Variants in PTPRR observed in about 807,000 individuals in gnomAD.
The protein encoded by PTPRR is receptor-type tyrosine-protein phosphatase R.
PTPRR carries 38 observed loss-of-function variants against 77.2 expected under a neutral mutation model. That is an observed-to-expected ratio of 0.49 (90% CI 0.38 to 0.65). The LOEUF (loss-of-function observed/expected upper bound fraction) is 0.65, where lower values mean the gene tolerates loss of function less well. Ranked by LOEUF, PTPRR falls within the 30% of genes least tolerant of loss-of-function variation. The pLI, the probability that PTPRR is intolerant of heterozygous loss-of-function variation, is 0.00. For synonymous variants in PTPRR, 299 were observed against 283.1 expected, an observed-to-expected ratio of 1.06 and a Z score of -0.57; for missense variants, 744 against 799.2, an observed-to-expected ratio of 0.93 and a Z score of 0.83.
intron 5 of PTPRR, among the ~76,000 whole-genome samples, chr12:70,748,290 A>G (rs1890276338): frequency 2.0e-5 from 3 of 152,148 alleles, no homozygotes; most frequent in South Asian, 4.1e-4. Context: ...ATTCAACTCT[A>G]TTGTTTCCTC....
At chr12:70,710,228 A>G in intron 6 of PTPRR, among the ~76,000 whole-genome samples, 2 of 152,130 alleles carry the variant, frequency 1.3e-5, no homozygotes. Context: ...AACAGAATAG[A>G]GATGCCAGAA....
chr12:70,917,048 A>C (rs10784879), intron 1 of PTPRR, among the ~76,000 whole-genome samples: 98,076 of 152,040 alleles, frequency 0.65, 33,867 homozygotes, highest in African/African-American at 0.9. Context: ...AAAATACAAC[A>C]CTATAAATAA....
chr12:70,720,666 T>C (rs543617175), intron 6 of PTPRR, among the ~76,000 whole-genome samples: 2 of 151,942 alleles, frequency 1.3e-5, no homozygotes, highest in African/African-American at 4.8e-5. Flanking sequence ...GTATTTTTAG[T>C]AGAGACAGGG....
chr12:70,672,027 T>A (rs1887245561), intron 10 of PTPRR: 2 of 1,318,966 alleles, frequency 1.5e-6, no homozygotes, highest in East Asian at 4.6e-5. Context: ...GCACCCCACC[T>A]GGTGGGGCCT....
At chr12:70,703,103 C>A (rs1022175262) in intron 6 of PTPRR, among the ~76,000 whole-genome samples, 3 of 150,856 alleles carry the variant, frequency 2.0e-5, no homozygotes, top group Non-Finnish European at 4.4e-5. Flanking sequence ...AATAATTATG[C>A]TTGTTATTTT....
intron 13 of PTPRR, among the ~76,000 whole-genome samples, chr12:70,652,338 G>A (rs1312521070): frequency 2.0e-5 from 3 of 152,160 alleles, no homozygotes; most frequent in Non-Finnish European, 4.4e-5. Context: ...GAGGTGAAAC[G>A]AAAGGGATAG....
chr12:70,858,521 C>A (rs890063673), intron 2 of PTPRR, among the ~76,000 whole-genome samples: 3 of 151,992 alleles, frequency 2.0e-5, no homozygotes, highest in African/African-American at 4.8e-5. Context: ...CAAGATCATG[C>A]CTTTTGTGGA....
intron 2 of PTPRR, among the ~76,000 whole-genome samples, chr12:70,859,097 T>C (rs574044433): frequency 6.6e-6 from 1 of 152,196 alleles, no homozygotes; most frequent in East Asian, 1.9e-4. Context: ...CTTCTGCCAG[T>C]TCTGACATCT....
In PTPRR at chr12:70,672,509, T is replaced by A. The variant is rs188561893; in HGVS notation, c.1498-9904A>T. The A allele has an allele frequency of 1.1e-3, 1,342 of 1,229,018 alleles. 4 individuals are homozygous for A. The African/African-American group carries it at 0.018, about 17-fold the overall frequency. The allele number at this position is 1,229,018 out of a possible 1,614,324, so 76.1% of individuals were successfully genotyped here. A position where few individuals can be genotyped will look rare whatever the true frequency, so the allele number is the denominator to read the frequency against. Reference sequence around the variant, plus strand: ...AACGTGAGTGCTCATGACTGGCAAATGAGACATGATGGGAAACAGTGGCTG... The same window carrying A: ...AACGTGAGTGCTCATGACTGGCAAAAGAGACATGATGGGAAACAGTGGCTG... On this transcript the variant is annotated intron_variant, in intron 10 of 13. Transcript: ENST00000283228.
chr12:70,660,404 T>A (rs1363497863), intron 12 of PTPRR, among the ~76,000 whole-genome samples: 1 of 152,158 alleles, frequency 6.6e-6, no homozygotes, highest in Non-Finnish European at 1.5e-5. Flanking sequence ...CAGCACTTTG[T>A]TTTCCTTTGG....
chr12:70,748,945 A>G (rs1890299454), intron 5 of PTPRR, among the ~76,000 whole-genome samples: 3 of 152,238 alleles, frequency 2.0e-5, no homozygotes, highest in Non-Finnish European at 4.4e-5. Flanking sequence ...AGGCTTCCAG[A>G]AAAGATAAAT....
At chr12:70,824,059 C>T (rs1324731384) in intron 2 of PTPRR, among the ~76,000 whole-genome samples, 1 of 152,162 alleles carries the variant, frequency 6.6e-6, no homozygotes, top group African/African-American at 2.4e-5. Context: ...GAACCCTTAG[C>T]ATTGATACAC....
At chr12:70,790,045 T>C (rs1055509933) in intron 2 of PTPRR, among the ~76,000 whole-genome samples, 1 of 152,178 alleles carries the variant, frequency 6.6e-6, no homozygotes, top group Admixed American at 6.5e-5. Context: ...TGTCTAATTC[T>C]CCCTCTCATT....
chr12:70,788,701 G>A (rs1565697598), intron 2 of PTPRR: 3 of 776,036 alleles, frequency 3.9e-6, no homozygotes, highest in Non-Finnish European at 6.5e-6. Flanking sequence ...GTTCTATGCT[G>A]ACTCATTTTT....
At chr12:70,896,918 T>C (rs1453521118) in intron 1 of PTPRR, among the ~76,000 whole-genome samples, 2 of 151,568 alleles carry the variant, frequency 1.3e-5, no homozygotes, top group Non-Finnish European at 3.0e-5. Context: ...GATCAGATAG[T>C]TGTAGATATG....
chr12:70,669,559 T>TATACACACAC (rs1887139082), intron 10 of PTPRR, among the ~76,000 whole-genome samples: 2 of 141,726 alleles, frequency 1.4e-5, no homozygotes, highest in African/African-American at 5.4e-5. Flanking sequence ...ATATATGTTA[T>TATACACACAC]ACACACACAC....
At chr12:70,899,002 A>G (rs992892678) in intron 1 of PTPRR, among the ~76,000 whole-genome samples, 10 of 151,538 alleles carry the variant, frequency 6.6e-5, no homozygotes, top group Non-Finnish European at 1.5e-4. Context: ...TTAAAACCAC[A>G]AACTATTGAA....
At chr12:70,733,447 A>AAAAAAAAAAAAAAAAAAAAAAAAT (rs1889742551) in intron 6 of PTPRR, among the ~76,000 whole-genome samples, 1 of 76,774 alleles carries the variant, frequency 1.3e-5, no homozygotes, top group Non-Finnish European at 2.7e-5. Context: ...AAAAAAAAAG[A>AAAAAAAAAAAAAAAAAAAAAAAAT]AAGAAAAAAA....
Position 70,892,940 on chromosome 12 carries a change from A to T in PTPRR, c.96T>A (p.Ile32=), listed in dbSNP as rs1168772956. The change falls in exon 2 of 14, where the codon ATT becomes ATA. Residue 32 remains isoleucine (I), a synonymous_variant. Transcript: ENST00000283228. The part of the protein sequence containing the change: ...FSGNNDHFLA[I]NQKKSGKPVF... Reference sequence around the variant, plus strand: ...CCGGCTTCCCACTCTTCTTCTGATTAATTGCCAAAAAATGATCATTGTTTC... The same window carrying T: ...CCGGCTTCCCACTCTTCTTCTGATTTATTGCCAAAAAATGATCATTGTTTC... The T allele has an allele frequency of 6.2e-7, 1 of 1,612,980 alleles. No individual in the cohort carries two copies. The highest frequency in any genetic ancestry group is 8.5e-7 in the Non-Finnish European group (1 of 1,179,380).
Sources: gnomAD v4.1 joint callset for allele counts (sites outside exome capture counted in the v4.1 genomes callset) on GRCh38, gnomAD v4.1.1 for gene constraint, MANE v1.5 for transcripts, NCBI Gene and HGNC (gene_info 2026-07-23, HGNC 2026-07-21) for gene names.